The following XIRP2 variants were observed in gnomAD, a reference collection of about 807,000 sequenced individuals.
XIRP2 encodes the protein xin actin binding repeat containing 2.
A neutral mutation model predicts 277.0 loss-of-function variants in XIRP2; 236 were observed. The ratio of observed to expected loss-of-function variants is 0.85; its 90% CI spans 0.77 to 0.95. The LOEUF (loss-of-function observed/expected upper bound fraction) is 0.95. Ranked by LOEUF, XIRP2 falls within the 40% of genes least tolerant of loss-of-function variation. XIRP2 has a pLI of 0.00. For synonymous variants in XIRP2, 1,490 were observed against 1,416.5 expected, an observed-to-expected ratio of 1.05 and a Z score of -1.17; for missense variants, 4,640 against 4,157.5, an observed-to-expected ratio of 1.12 and a Z score of -3.19.
chr2:167,116,727 A>C (rs1013404047), intron 2 of XIRP2, among the ~76,000 whole-genome samples: 1 of 152,206 alleles, frequency 6.6e-6, no homozygotes, highest in Non-Finnish European at 1.5e-5. Context: ...GTTTAACTAA[A>C]TTATGTAATT....
At chr2:166,930,644 G>A (rs757572510) in intron 2 of XIRP2, among the ~76,000 whole-genome samples, 1 of 152,092 alleles carries the variant, frequency 6.6e-6, no homozygotes, top group Non-Finnish European at 1.5e-5. Flanking sequence ...AAAATTTCCT[G>A]ATTGACACTA....
chr2:167,098,943 A>G (rs111900903), intron 2 of XIRP2, among the ~76,000 whole-genome samples: 4,760 of 152,212 alleles, frequency 0.031, 87 homozygotes, highest in East Asian at 0.05. Flanking sequence ...GCACCCACCA[A>G]ATGCCAGCCA....
intron 3 of XIRP2, among the ~76,000 whole-genome samples, chr2:167,210,377 AT>A (rs1388437765): frequency 2.6e-5 from 4 of 152,212 alleles, no homozygotes; most frequent in African/African-American, 9.6e-5. Context: ...ACCTTACAAG[AT>A]TGTTAGAAAA....
chr2:166,941,620 T>G (rs955276682), intron 2 of XIRP2, among the ~76,000 whole-genome samples: 4 of 152,202 alleles, frequency 2.6e-5, no homozygotes, highest in Non-Finnish European at 4.4e-5. Context: ...TAAATGTTAA[T>G]AATTTTATGT....
rs541572111 is a variant in XIRP2, at chr2:167,053,623, T to TA, written c.409-82280dup. 4.4e-3 allele frequency among the ~76,000 whole-genome samples: 672 copies of TA among 152,298 alleles called. 7 individuals are homozygous for TA. Among genetic ancestry groups the TA allele is most frequent in the Middle Eastern group, 0.027 (8 of 294 alleles). On this transcript the variant is annotated intron_variant, in intron 2 of 10. Coordinates refer to ENST00000409195, the MANE Select transcript of XIRP2 (RefSeq NM_152381.6). ...TACCTTATTTTTATATGCAATGTAG[T>TA]AAAAAAGTTTTGTACCCAAAATTCT...
chr2:167,103,882 A>T (rs1690548601), intron 2 of XIRP2, among the ~76,000 whole-genome samples: 2 of 151,730 alleles, frequency 1.3e-5, no homozygotes, highest in Admixed American at 1.3e-4. Context: ...TTATCACTAG[A>T]CTCTATTAAG....
intron 3 of XIRP2, among the ~76,000 whole-genome samples, chr2:167,185,728 A>G (rs906746343): frequency 6.6e-6 from 1 of 152,162 alleles, no homozygotes; most frequent in Non-Finnish European, 1.5e-5. Context: ...CAGATCCAGT[A>G]CCATTTTCTT....
chr2:167,245,545 A>T lies in XIRP2; in HGVS notation c.4153A>T (p.Ser1385Cys). The T allele has an allele frequency of 6.2e-7, 1 of 1,613,664 alleles. No homozygotes were observed. The highest frequency in any genetic ancestry group is 1.3e-5 in the African/African-American group (1 of 75,032). Residue 1385 changes from serine to cysteine, a missense_variant, in exon 9 of 11, where the codon AGT (serine) becomes TGT (cysteine). Transcript: ENST00000409195. ...TQEDIQKGDV[S>C]SVRYRFETQP... ...AGAAGACATTCAGAAGGGAGATGTT[A>T]GTTCTGTCAGATACAGATTTGAAAC...
At chr2:167,042,019 G>C (rs1234722565) in intron 2 of XIRP2, among the ~76,000 whole-genome samples, 1 of 152,178 alleles carries the variant, frequency 6.6e-6, no homozygotes, top group Non-Finnish European at 1.5e-5. Flanking sequence ...AGCCAGAAAA[G>C]ATTGAGGGTC....
chr2:167,201,132 G>C (rs1166565162), intron 3 of XIRP2, among the ~76,000 whole-genome samples: 1 of 148,824 alleles, frequency 6.7e-6, no homozygotes, highest in African/African-American at 2.5e-5. Flanking sequence ...TCAAGAAAGA[G>C]AGAGAGAGAG....
chr2:167,180,884 T>A (rs1045008730), intron 3 of XIRP2, among the ~76,000 whole-genome samples: 1 of 152,218 alleles, frequency 6.6e-6, no homozygotes. Flanking sequence ...TTTCTCCCAT[T>A]GATTTTTCTT....
At chr2:167,089,214 G>T (rs1029539397) in intron 2 of XIRP2, among the ~76,000 whole-genome samples, 4 of 152,202 alleles carry the variant, frequency 2.6e-5, no homozygotes, top group Admixed American at 1.3e-4. Flanking sequence ...AGGAAGAAAA[G>T]CAACTATTAG....
intron 3 of XIRP2, among the ~76,000 whole-genome samples, chr2:167,153,117 AATTAATTG>A (rs1447478740): frequency 8.5e-5 from 13 of 152,282 alleles, no homozygotes; most frequent in African/African-American, 3.1e-4. Context: ...TGAATGATTC[AATTAATTG>A]ATTAATTTTA....
At chr2:166,997,148 C>A (rs1381889211) in intron 2 of XIRP2, among the ~76,000 whole-genome samples, 1 of 152,152 alleles carries the variant, frequency 6.6e-6, no homozygotes, top group Non-Finnish European at 1.5e-5. Flanking sequence ...ACACATTTAG[C>A]ACTGATATAT....
chr2:167,164,432 C>T lies in XIRP2; in HGVS notation c.562+28370C>T, dbSNP rs57654594. On this transcript the variant is annotated intron_variant, in intron 3 of 10. Transcript: ENST00000409195. ...CTGCAGTCCAGCCTGGGCGAAAGAG[C>T]GAGACTCCGTCTCAAAAAAAAAAAA... 6.6e-3 allele frequency among the ~76,000 whole-genome samples: 772 copies of T among 116,188 alleles called. 16 individuals carry two copies. Among genetic ancestry groups the T allele is most frequent in the Admixed American group, 0.062 (537 of 8,630 alleles). The allele number at this position is 116,188 out of a possible 152,430, so 76.2% of individuals were successfully genotyped here. A position where few individuals can be genotyped will look rare whatever the true frequency, so the allele number is the denominator to read the frequency against.
chr2:167,244,392 A>T lies in XIRP2; in HGVS notation c.3000A>T (p.Gln1000His). Residue 1000 changes from glutamine (Q) to histidine (H), a missense_variant, in exon 9 of 11, where the codon CAA (glutamine) becomes CAT (histidine). Coordinates refer to ENST00000409195, the MANE Select transcript of XIRP2 (RefSeq NM_152381.6). ...AIQDPLGKYH[Q>H]VKTVQQEEIV... Reference sequence around the variant, plus strand: ...AAGATCCCCTTGGAAAATATCATCAAGTAAAGACAGTCCAGCAAGAAGAAA... The same window carrying T: ...AAGATCCCCTTGGAAAATATCATCATGTAAAGACAGTCCAGCAAGAAGAAA... 1 of 1,613,664 alleles carries T rather than the reference A, an allele frequency of 6.2e-7. No individual in the cohort carries two copies. The highest frequency in any genetic ancestry group is 8.5e-7 in the Non-Finnish European group (1 of 1,179,788).
At chr2:166,909,794 A>G (rs1054315522) in intron 2 of XIRP2, among the ~76,000 whole-genome samples, 2 of 152,322 alleles carry the variant, frequency 1.3e-5, no homozygotes. Context: ...ACATCCCATC[A>G]ATACCTAGTT....
intron 2 of XIRP2, among the ~76,000 whole-genome samples, chr2:167,121,376 C>A (rs1044420993): frequency 1.3e-5 from 2 of 151,950 alleles, no homozygotes; most frequent in African/African-American, 4.8e-5. Flanking sequence ...TGGGTTATTT[C>A]ATTTTCAAAA....
chr2:167,210,735 C>A lies in XIRP2; in HGVS notation c.563C>A (p.Ala188Glu). 1 of 1,613,968 alleles carries A rather than the reference C, an allele frequency of 6.2e-7. No individual in the cohort carries two copies. Among genetic ancestry groups the A allele is most frequent in the Non-Finnish European group, 8.5e-7 (1 of 1,179,898 alleles). ...PESGHSRIFE[A>E]TAGPNKPESG... ...GTAAGCATGCTCTGTTTGCTTTCAG[C>A]GACTGCTGGCCCTAATAAGCCTGAG... The change falls in exon 4 of 11, where the codon GCG becomes GAG. Residue 188 changes from alanine (A) to glutamate (E), a missense_variant and splice_region_variant. Physicochemically the swap from Ala to Glu is moderately radical, Grantham distance 107. Coordinates refer to ENST00000409195, the MANE Select transcript of XIRP2 (RefSeq NM_152381.6).
Sources: gnomAD v4.1 joint callset for allele counts (sites outside exome capture counted in the v4.1 genomes callset) on GRCh38, gnomAD v4.1.1 for gene constraint, MANE v1.5 for transcripts, NCBI Gene and HGNC (gene_info 2026-07-23, HGNC 2026-07-21) for gene names.